The following CLDN10 variants were observed in gnomAD, a reference collection of about 807,000 sequenced individuals.
CLDN10 encodes claudin 10, also known as claudin-10.
CLDN10 carries 15 observed loss-of-function variants against 22.9 expected under a neutral mutation model. The ratio of observed to expected loss-of-function variants is 0.65; its 90% CI spans 0.44 to 1.01. The LOEUF (loss-of-function observed/expected upper bound fraction) is 1.01. Among genes scored for constraint, CLDN10 ranks in the 50% least tolerant of loss-of-function variants. The pLI, the probability that CLDN10 is intolerant of heterozygous loss-of-function variation, is 0.00. For synonymous variants in CLDN10, 114 were observed against 111.4 expected, an observed-to-expected ratio of 1.02 and a Z score of -0.15; for missense variants, 247 against 287.8, an observed-to-expected ratio of 0.86 and a Z score of 1.03.
In CLDN10 at chr13:95,579,063, G is replaced by T. The variant is rs1279858513; in HGVS notation, c.*1049G>T. ...TCCATTATTGGAACACTAAGCATGT[G>T]GGAGTTATTTATATCCTACTGCTCA... On this transcript the variant is annotated 3_prime_UTR_variant, in exon 5 of 5. Coordinates refer to ENST00000299339, the MANE Select transcript of CLDN10 (RefSeq NM_006984.5). 2 of 152,188 alleles carry T rather than the reference G, an allele frequency of 1.3e-5. No homozygotes were observed. The highest frequency in any genetic ancestry group is 4.8e-5 in the African/African-American group (2 of 41,444). The allele number at this position is 152,188 out of a possible 1,614,324, so 9.4% of individuals were successfully genotyped here.
intron 3 of CLDN10, among the ~76,000 whole-genome samples, chr13:95,576,675 G>T (rs2043932728): frequency 6.6e-6 from 1 of 152,174 alleles, no homozygotes; most frequent in African/African-American, 2.4e-5. Flanking sequence ...GCGGTCATCG[G>T]CAGAGCACTG....
intron 1 of CLDN10, among the ~76,000 whole-genome samples, chr13:95,512,581 A>ACTAACTAGTTTGTGCC (rs1448847086): frequency 1.3e-5 from 2 of 152,174 alleles, no homozygotes; most frequent in African/African-American, 4.8e-5. Context: ...TTTGTGCCAC[A>ACTAACTAGTTTGTGCC]CAGGATGCTG....
At chr13:95,448,014 A>G (rs955011507) in intron 1 of CLDN10, among the ~76,000 whole-genome samples, 3 of 152,094 alleles carry the variant, frequency 2.0e-5, no homozygotes, top group African/African-American at 7.2e-5. Flanking sequence ...GGTGGGGGTG[A>G]TCTGCCATTG....
chr13:95,548,156 C>A (rs2043529408), upstream of CLDN10, among the ~76,000 whole-genome samples: 1 of 152,178 alleles, frequency 6.6e-6, no homozygotes, highest in Non-Finnish European at 1.5e-5. Context: ...TGATATTCAT[C>A]AAGTGCTTAT....
intron 1 of CLDN10, chr13:95,534,043 T>A (rs2043374414): frequency 6.6e-6 from 1 of 152,202 alleles, no homozygotes; most frequent in African/African-American, 2.4e-5. Flanking sequence ...ACAGTAGTCC[T>A]TTATTAGAGA....
intron 3 of CLDN10, among the ~76,000 whole-genome samples, chr13:95,570,858 GTATA>G (rs55861640): frequency 0.29 from 35,239 of 119,908 alleles, 5,749 homozygotes; most frequent in Non-Finnish European, 0.38. Flanking sequence ...ATATACGTGT[GTATA>G]TATATATATA....
At chr13:95,509,827 T>C (rs1475701680) in intron 1 of CLDN10, among the ~76,000 whole-genome samples, 1 of 152,180 alleles carries the variant, frequency 6.6e-6, no homozygotes, top group Non-Finnish European at 1.5e-5. Flanking sequence ...TTGTTTCTTC[T>C]GCCCCACTCC....
At chr13:95,576,859 A>G (rs1421108086) in intron 3 of CLDN10, among the ~76,000 whole-genome samples, 1 of 152,218 alleles carries the variant, frequency 6.6e-6, no homozygotes, top group Admixed American at 6.5e-5. Context: ...TTTTCTAACT[A>G]ACTACAGTCT....
chr13:95,449,294 C>T (rs1234092905), intron 1 of CLDN10, among the ~76,000 whole-genome samples: 7 of 152,108 alleles, frequency 4.6e-5, no homozygotes, highest in Non-Finnish European at 1.5e-5. Flanking sequence ...CTCTGTTGCC[C>T]AGGCTGGAGT....
chr13:95,511,146 C>T (rs2043093194), intron 1 of CLDN10, among the ~76,000 whole-genome samples: 1 of 152,116 alleles, frequency 6.6e-6, no homozygotes, highest in Non-Finnish European at 1.5e-5. Context: ...GATTTGACAA[C>T]CAGTTTTTCA....
chr13:95,472,230 G>T (rs1217478557), intron 1 of CLDN10, among the ~76,000 whole-genome samples: 1 of 152,158 alleles, frequency 6.6e-6, no homozygotes, highest in African/African-American at 2.4e-5. Context: ...AGAAAATCCA[G>T]TGATAGCAAG....
intron 1 of CLDN10, chr13:95,434,140 C>A: frequency 9.0e-7 from 1 of 1,107,778 alleles, no homozygotes; most frequent in Non-Finnish European, 1.3e-6. Context: ...TGTTAACTCT[C>A]TGAAGACTGA....
At chr13:95,466,751 A>T (rs1262343520) in intron 1 of CLDN10, among the ~76,000 whole-genome samples, 2 of 152,168 alleles carry the variant, frequency 1.3e-5, no homozygotes, top group East Asian at 3.8e-4. Flanking sequence ...TACTTGTAAA[A>T]ATTTTAGTAT....
chr13:95,528,637 C>G (rs2043309991), intron 1 of CLDN10: 2 of 152,128 alleles, frequency 1.3e-5, no homozygotes, highest in Admixed American at 1.3e-4. Context: ...TAAGATCAAA[C>G]AGAAATAAAC....
At chr13:95,449,003 T>G (rs2042407880) in intron 1 of CLDN10, among the ~76,000 whole-genome samples, 1 of 151,888 alleles carries the variant, frequency 6.6e-6, no homozygotes, top group Admixed American at 6.6e-5. Context: ...CTTCCCAAAG[T>G]GCTGAGATTA....
At chr13:95,513,022 C>G (rs1009322054) in intron 1 of CLDN10, among the ~76,000 whole-genome samples, 1 of 152,112 alleles carries the variant, frequency 6.6e-6, no homozygotes, top group African/African-American at 2.4e-5. Context: ...ACCACAGGAG[C>G]ATGCCACCAC....
intron 1 of CLDN10, among the ~76,000 whole-genome samples, chr13:95,485,207 G>A (rs1446400977): frequency 6.6e-6 from 1 of 152,132 alleles, no homozygotes; most frequent in Non-Finnish European, 1.5e-5. Flanking sequence ...CCTGGTTCCT[G>A]TAAGAGGATG....
intron 1 of CLDN10, among the ~76,000 whole-genome samples, chr13:95,502,838 G>A (rs577959713): frequency 1.3e-5 from 2 of 152,310 alleles, no homozygotes; most frequent in South Asian, 4.1e-4. Context: ...TGTTTTAAGT[G>A]AGGGGGATGT....
intron 1 of CLDN10, among the ~76,000 whole-genome samples, chr13:95,446,929 C>G (rs1351205454): frequency 1.3e-5 from 2 of 152,180 alleles, no homozygotes; most frequent in Non-Finnish European, 2.9e-5. Flanking sequence ...AAGAAGCCCA[C>G]AGTGTATGCC....
Sources: allele counts gnomAD v4.1 joint callset (sites outside exome capture counted in the v4.1 genomes callset), GRCh38; gene constraint gnomAD v4.1.1; transcripts MANE v1.5; gene names NCBI Gene and HGNC (gene_info 2026-07-23, HGNC 2026-07-21).